The following JAG1 variants were observed in gnomAD, a reference collection of about 807,000 sequenced individuals.
JAG1 encodes jagged canonical Notch ligand 1, also known as protein jagged-1.
Under a neutral mutation model 148.7 loss-of-function variants are expected in JAG1, and 23 were observed. That is an observed-to-expected ratio of 0.15 (90% confidence interval 0.11 to 0.22). The LOEUF (loss-of-function observed/expected upper bound fraction) is 0.22. Ranked by LOEUF, JAG1 falls within the 10% of genes least tolerant of loss-of-function variation. The pLI is 1.00. For synonymous variants in JAG1, 572 were observed against 598.3 expected (o/e 0.96, Z 0.64); for missense variants, 1,054 against 1,611.2 (o/e 0.65, Z 5.92).
chr20:10,662,028 G>C (rs946933860), intron 3 of JAG1, among the ~76,000 whole-genome samples: 2 of 152,216 alleles, frequency 1.3e-5, no homozygotes, highest in African/African-American at 4.8e-5. Flanking sequence ...AAGATCCTGA[G>C]TTTGGTTTTG....
At chr20:10,648,994 G>A in intron 11 of JAG1, 67 bp downstream of exon 11, 2 of 1,273,082 alleles carry the variant, frequency 1.6e-6, no homozygotes, top group Non-Finnish European at 2.3e-6. Flanking sequence ...AGCTCTCCTA[G>A]TGTCGCACAA....
At chr20:10,669,540 G>A (rs2067480391) in intron 2 of JAG1, among the ~76,000 whole-genome samples, 1 of 67,152 alleles carries the variant, frequency 1.5e-5, no homozygotes, top group Admixed American at 2.4e-4. Flanking sequence ...CGTTTCATTG[G>A]ATTTTCCAAA....
chr20:10,639,771 T>A lies in JAG1; in HGVS notation c.3384A>T (p.Lys1128Asn). 1 of 1,614,144 alleles carries A rather than the reference T, an allele frequency of 6.2e-7. No homozygotes were observed. The highest frequency in any genetic ancestry group is 8.5e-7 in the Non-Finnish European group (1 of 1,179,972). ...QLNQIKNPIE[K>N]HGANTVPIKD... ...TGATGGGGACCGTGTTGGCCCCATG[T>A]TTCTCAATGGGGTTTTTGATCTGGT... The change falls in exon 26 of 26, where the codon AAA becomes AAT. Residue 1128 changes from lysine (K) to asparagine (N), a missense_variant. Around this residue, in one of 6 missense-constraint regions of JAG1, gnomAD observed 177 missense variants for 177.3 expected, o/e 1.00. Transcript: ENST00000254958.
intron 3 of JAG1, among the ~76,000 whole-genome samples, chr20:10,661,066 T>C (rs1337550971): frequency 6.6e-6 from 1 of 152,230 alleles, no homozygotes; most frequent in Non-Finnish European, 1.5e-5. Flanking sequence ...TACAGTAAAC[T>C]GAAACCATTT....
intron 12 of JAG1, 133 bp downstream of exon 12, chr20:10,648,416 T>A (rs2067323661): frequency 1.2e-6 from 1 of 802,632 alleles, no homozygotes; most frequent in African/African-American, 1.7e-5. Context: ...TAGCAGAGAC[T>A]CTCTCATCAA....
chr20:10,646,839 AAACTTTCAAC>A, intron 14 of JAG1, 90 bp downstream of exon 14: 77 of 1,269,924 alleles, frequency 6.1e-5, no homozygotes, highest in Non-Finnish European at 8.0e-5. Context: ...AAAAAAAAAA[AAACTTTCAAC>A]ACCAATGATC....
At chr20:10,665,712 T>TA (rs2067449387) in intron 2 of JAG1, among the ~76,000 whole-genome samples, 1 of 152,216 alleles carries the variant, frequency 6.6e-6, no homozygotes, top group African/African-American at 2.4e-5. Context: ...TTGTTGTAAT[T>TA]AATCCTCTGA....
intron 3 of JAG1, among the ~76,000 whole-genome samples, chr20:10,660,381 C>G (rs75592756): frequency 6.6e-6 from 1 of 152,206 alleles, no homozygotes; most frequent in South Asian, 2.1e-4. Flanking sequence ...ACAAAAATGT[C>G]TCTCCATTAA....
At chr20:10,650,182 T>C in intron 9 of JAG1, 65 bp downstream of exon 9, 3 of 998,404 alleles carry the variant, frequency 3.0e-6, no homozygotes, top group Admixed American at 3.7e-5. Context: ...GCTCGTCTTC[T>C]GTAATGGCTT....
rs1039872267 is a variant in JAG1 at position 10,644,284 on chromosome 20, A to T, written c.2372+73T>A. 4,112 of 865,314 alleles carry T rather than the reference A, an allele frequency of 4.8e-3. 44 individuals carry two copies. Among genetic ancestry groups the T allele is most frequent in the African/African-American group, 0.012 (557 of 48,040 alleles). The allele number at this position is 865,314 out of a possible 1,614,324, so 53.6% of individuals were successfully genotyped here. On this transcript the variant is annotated intron_variant, in intron 19 of 25. Coordinates refer to ENST00000254958, the MANE Select transcript of JAG1 (RefSeq NM_000214.3). ...CAATCCCTGGGTGATTCTCACACAC[A>T]CACACACACACACACACACACACAC...
intron 2 of JAG1, 41 bp downstream of exon 2, chr20:10,672,660 T>A: frequency 1.9e-6 from 3 of 1,594,340 alleles, no homozygotes; most frequent in Non-Finnish European, 2.6e-6. Context: ...CAGGCGCGGG[T>A]GTGAGGCTCC....
At chr20:10,655,191 C>T (rs947018589) in intron 5 of JAG1, among the ~76,000 whole-genome samples, 1 of 152,088 alleles carries the variant, frequency 6.6e-6, no homozygotes, top group African/African-American at 2.4e-5. Flanking sequence ...GGGGAACAGA[C>T]GGAGCGGTGG....
intron 4 of JAG1, among the ~76,000 whole-genome samples, 178 bp from the exon 5 acceptor site, chr20:10,656,636 C>T (rs868060158): frequency 6.6e-6 from 1 of 152,184 alleles, no homozygotes; most frequent in Non-Finnish European, 1.5e-5. Flanking sequence ...CAGCTTTAAA[C>T]TTCAAGGCCT....
rs184910403 is a variant in JAG1 at position 10,654,569 on chromosome 20, A to C, written c.755+1829T>G. 1.6e-3 allele frequency among the ~76,000 whole-genome samples: 240 copies of C among 152,320 alleles called. 1 individual carries two copies. The highest frequency in any genetic ancestry group is 5.6e-3 in the African/African-American group (234 of 41,572). The stretch of plus-strand genomic sequence containing the variant: ...AAATAACCTGTGTAATACATAATCC[A>C]AAAGACAACTTGCAGGTAACTTGCC... On this transcript the variant is annotated intron_variant, in intron 5 of 25. Transcript: ENST00000254958.
At chr20:10,663,935 G>A in intron 3 of JAG1, 28 bp downstream of exon 3, 9 of 1,603,622 alleles carry the variant, frequency 5.6e-6, no homozygotes, top group Non-Finnish European at 6.8e-6. Context: ...CGTGTGTTTA[G>A]AGAAAAGTCC....
In JAG1 at chr20:10,641,359, T is replaced by C. The variant is rs1423749737; in HGVS notation, c.2916+101A>G. 3.9e-6 allele frequency: 6 copies of C among 1,526,310 alleles called. No individual in the cohort carries two copies. In the East Asian group the frequency reaches 1.3e-4, roughly 34 times the overall value. The allele number at this position is 1,526,310 out of a possible 1,614,324, so 94.5% of individuals were successfully genotyped here. The stretch of plus-strand genomic sequence containing the variant: ...AGCTTACTTTATTATAAAACAGGAA[T>C]GTAAGCTAGGGAGAAGTAGATCCTA... On this transcript the variant is annotated intron_variant, in intron 23 of 25. Transcript: ENST00000254958.
At chr20:10,643,654 CCTTTGCTCTATGA>C in intron 20 of JAG1, 111 bp downstream of exon 20, 1 of 783,100 alleles carries the variant, frequency 1.3e-6, no homozygotes, top group Non-Finnish European at 2.2e-6. Flanking sequence ...GGAGAGAGAT[CCTTTGCTCTATGA>C]GAGCTACTTA....
intron 2 of JAG1, among the ~76,000 whole-genome samples, chr20:10,668,931 G>C (rs915185859): frequency 6.6e-6 from 1 of 152,092 alleles, no homozygotes; most frequent in African/African-American, 2.4e-5. Context: ...TGTGGAACTG[G>C]TGGGTTGCAA....
In JAG1 at chr20:10,673,515, T is replaced by A; in HGVS notation, c.16A>T (p.Thr6Ser). The A allele has an allele frequency of 1.6e-6, 2 of 1,262,292 alleles. No homozygotes were observed. The highest frequency in any genetic ancestry group is 1.0e-6 in the Non-Finnish European group (1 of 996,990). The allele number at this position is 1,262,292 out of a possible 1,614,324, so 78.2% of individuals were successfully genotyped here. Residue 6 changes from threonine to serine, a missense_variant, in exon 1 of 26, where the codon ACG becomes TCG. This residue lies in a region of JAG1 where 151 missense variants were observed against 211.1 expected (regional missense o/e 0.72). Transcript: ENST00000254958. This position sits in a 1 kb window ranked among gnomAD's most constrained non-coding sequence, Gnocchi z 4.7. Reference protein sequence around the residue: MRSPRTRGRSGRPLSL... With the variant: MRSPRSRGRSGRPLSL... ...AGGGGGCGCCCGGACCGGCCGCGCG[T>A]CCGTGGGGAACGCATCGCTGCGCCG...
Sources: allele counts gnomAD v4.1 joint callset (sites outside exome capture counted in the v4.1 genomes callset), GRCh38; gene constraint gnomAD v4.1.1; regional missense constraint gnomAD v4.1.1; non-coding constraint Gnocchi (gnomAD v3.1); transcripts MANE v1.5; gene names NCBI Gene and HGNC (gene_info 2026-07-23, HGNC 2026-07-21).